The following FEZ1 variants were observed in gnomAD, a reference collection of about 807,000 sequenced individuals.
The protein encoded by FEZ1 is fasciculation and elongation protein zeta-1.
FEZ1 carries 20 observed loss-of-function variants against 49.3 expected under a neutral mutation model. The ratio of observed to expected loss-of-function variants is 0.41; its 90% CI spans 0.29 to 0.59. The LOEUF is 0.59. Among genes scored for constraint, FEZ1 ranks in the 20% least tolerant of loss-of-function variants. FEZ1 has a pLI of 0.36. For missense variants in FEZ1, 413 were observed against 476.0 expected, an observed-to-expected ratio of 0.87 and a Z score of 1.23; for synonymous variants, 170 against 180.9, an observed-to-expected ratio of 0.94 and a Z score of 0.48.
chr11:125,493,371 AAAG>A (rs1424332348), intron 1 of FEZ1, among the ~76,000 whole-genome samples: 1,348 of 37,694 alleles, frequency 0.036, 15 homozygotes, highest in Non-Finnish European at 0.043. Flanking sequence ...GAAAAGAAAG[AAAG>A]AAAGAAAGAA....
intron 2 of FEZ1, among the ~76,000 whole-genome samples, chr11:125,482,159 C>T (rs1321649175): frequency 6.6e-6 from 1 of 152,136 alleles, no homozygotes; most frequent in East Asian, 1.9e-4. Context: ...CAGAGGCCTA[C>T]AATCTAAATG....
chr11:125,453,928 C>CAAAAAAAA (rs34707154), intron 7 of FEZ1: 1 of 234,936 alleles, frequency 4.3e-6, no homozygotes. Context: ...CACTAGAGCT[C>CAAAAAAAA]AAAAAAAAAA....
chr11:125,446,113 T>C lies in FEZ1; in HGVS notation c.1163-2A>G. The C allele has an allele frequency of 6.2e-7, 1 of 1,613,950 alleles. No homozygotes were observed. The highest frequency in any genetic ancestry group is 8.5e-7 in the Non-Finnish European group (1 of 1,179,872). On this transcript the variant is annotated splice_acceptor_variant, in intron 9 of 9. Coordinates refer to ENST00000278919, the MANE Select transcript of FEZ1 (RefSeq NM_005103.5). LOFTEE classifies it high-confidence loss of function. ...GGCAAGGTTAGGTAGGGCAGAGCAC[T>C]GCAACGAGAAGAGAGGAGGGGAGAG... is the stretch of plus-strand genomic sequence containing the variant.
intron 3 of FEZ1, among the ~76,000 whole-genome samples, chr11:125,480,931 C>T (rs1407228114): frequency 6.6e-6 from 1 of 151,556 alleles, no homozygotes; most frequent in Non-Finnish European, 1.5e-5. Context: ...CCCAGCTACT[C>T]GGGATGCTGA....
intron 2 of FEZ1, among the ~76,000 whole-genome samples, chr11:125,487,961 GT>G (rs1957341428): frequency 6.6e-6 from 1 of 152,144 alleles, no homozygotes; most frequent in Non-Finnish European, 1.5e-5. Context: ...CCCATTATTT[GT>G]GGGCCATTCT....
chr11:125,449,143 TAA>T (rs1437814174), intron 8 of FEZ1, among the ~76,000 whole-genome samples: 2 of 151,310 alleles, frequency 1.3e-5, no homozygotes. Flanking sequence ...TGGGTTCAAG[TAA>T]TCCTCCCCCT....
In FEZ1 at chr11:125,460,484, C is replaced by T; in HGVS notation, c.667+14G>A. On this transcript the variant is annotated intron_variant, in intron 5 of 9. Transcript: ENST00000278919. ...TGCTTCCTCCTCGGCCAGCCCAGCG[C>T]CCAGGGCCCTCACCTTCATAGGACC... The T allele has an allele frequency of 1.2e-6, 2 of 1,611,922 alleles. No individual in the cohort carries two copies. The highest frequency in any genetic ancestry group is 1.7e-6 in the Non-Finnish European group (2 of 1,178,790).
chr11:125,484,443 A>G (rs981769632), intron 2 of FEZ1, among the ~76,000 whole-genome samples: 17 of 152,334 alleles, frequency 1.1e-4, no homozygotes, highest in Non-Finnish European at 1.8e-4. Context: ...TGGCATCGGT[A>G]TGGGCATCAG....
Position 125,444,699 on chromosome 11 carries a change from T to A in FEZ1, c.*1396A>T, listed in dbSNP as rs1169541083. On this transcript the variant is annotated 3_prime_UTR_variant, in exon 10 of 10. Coordinates refer to ENST00000278919, the MANE Select transcript of FEZ1 (RefSeq NM_005103.5). ...AGCTGCTGATGTGATAAAGTATGGC[T>A]TTCTCTGTGGCATGCTTAGTTCAAG... Among the ~76,000 whole-genome samples, 1 of 152,044 alleles carries A rather than the reference T, an allele frequency of 6.6e-6. No homozygotes were observed. The highest frequency in any genetic ancestry group is 2.4e-5 in the African/African-American group (1 of 41,400).
intron 5 of FEZ1, among the ~76,000 whole-genome samples, chr11:125,459,766 G>A (rs1288502581): frequency 6.6e-6 from 1 of 152,068 alleles, no homozygotes; most frequent in African/African-American, 2.4e-5. Flanking sequence ...ATCCAAATGG[G>A]GTTGGTGTGA....
chr11:125,480,821 C>T (rs1453536598), intron 3 of FEZ1, among the ~76,000 whole-genome samples: 2 of 152,072 alleles, frequency 1.3e-5, no homozygotes, highest in Non-Finnish European at 2.9e-5. Context: ...GGGCGGATCA[C>T]GGGGTCAGGA....
chr11:125,474,957 G>C (rs1419643534), intron 3 of FEZ1, among the ~76,000 whole-genome samples: 1 of 151,086 alleles, frequency 6.6e-6, no homozygotes, highest in Admixed American at 6.6e-5. Context: ...ATGCACAAAA[G>C]ATTTGAAGAG....
At chr11:125,483,770 G>A (rs1957304772) in intron 2 of FEZ1, among the ~76,000 whole-genome samples, 1 of 152,224 alleles carries the variant, frequency 6.6e-6, no homozygotes, top group South Asian at 2.1e-4. Flanking sequence ...GGAGCCTTTT[G>A]TATCTCTCCC....
intron 3 of FEZ1, among the ~76,000 whole-genome samples, chr11:125,471,677 T>C (rs1230696639): frequency 6.6e-6 from 1 of 152,146 alleles, no homozygotes; most frequent in Non-Finnish European, 1.5e-5. Context: ...TTGGAGATTT[T>C]AATAAACCTT....
In FEZ1 at chr11:125,463,490, T is replaced by G. The variant is rs184744376; in HGVS notation, c.492A>C (p.Ala164=). The G allele has an allele frequency of 1.4e-5, 22 of 1,588,628 alleles. No homozygotes were observed. Among genetic ancestry groups the G allele is most frequent in the Non-Finnish European group, 1.9e-5 (22 of 1,156,980 alleles). ...SGINEEPLLT[A]DQVIEEIEEM... ...CCTGGAGAGATACTTATACCTGATCTGCTGTGAGCAGAGGCTCCTCGTTGA... is the reference window on the plus strand; with the variant it reads ...CCTGGAGAGATACTTATACCTGATCGGCTGTGAGCAGAGGCTCCTCGTTGA... The change falls in exon 4 of 10, where the codon GCA becomes GCC. Residue 164 remains alanine (A), a synonymous_variant. Coordinates refer to ENST00000278919, the MANE Select transcript of FEZ1 (RefSeq NM_005103.5).
chr11:125,495,434 G>A lies in FEZ1; in HGVS notation c.-46+687C>T, dbSNP rs1290958569. On this transcript the variant is annotated intron_variant, in intron 1 of 9. Coordinates refer to ENST00000278919, the MANE Select transcript of FEZ1 (RefSeq NM_005103.5). This position sits in a 1 kb window ranked among gnomAD's most constrained non-coding sequence, Gnocchi z 4.2. ...TGCTCCCCGCATTCCAGAGCCCGGG[G>A]CCCACCCGACGGCAGCGCGCCCCGC... 2.1e-6 allele frequency: 1 copy of A among 470,316 alleles called. No individual in the cohort carries two copies. Among genetic ancestry groups the A allele is most frequent in the East Asian group, 7.0e-5 (1 of 14,346 alleles). The allele number at this position is 470,316 out of a possible 1,614,324, so 29.1% of individuals were successfully genotyped here. A position where few individuals can be genotyped will look rare whatever the true frequency, so the allele number is the denominator to read the frequency against.
chr11:125,485,827 T>C (rs1957321827), intron 2 of FEZ1, among the ~76,000 whole-genome samples: 1 of 150,348 alleles, frequency 6.7e-6, no homozygotes, highest in African/African-American at 2.4e-5. Context: ...TTGCCTGTAA[T>C]CCCAGCTACT....
chr11:125,443,950 G>A lies in FEZ1; in HGVS notation c.*2145C>T, dbSNP rs1175950289. Among the ~76,000 whole-genome samples, 3 of 152,180 alleles carry A rather than the reference G, an allele frequency of 2.0e-5. No individual in the cohort carries two copies. The highest frequency in any genetic ancestry group is 7.2e-5 in the African/African-American group (3 of 41,446). On this transcript the variant is annotated 3_prime_UTR_variant, in exon 10 of 10. Coordinates refer to ENST00000278919, the MANE Select transcript of FEZ1 (RefSeq NM_005103.5). ...GCTGACCCAGATCTGACAAATCCAA[G>A]GCAGGAAGAAAAGCTCTCAGGAATT...
At chr11:125,473,990 A>C (rs1421348432) in intron 3 of FEZ1, among the ~76,000 whole-genome samples, 1 of 151,812 alleles carries the variant, frequency 6.6e-6, no homozygotes, top group Non-Finnish European at 1.5e-5. Flanking sequence ...AAAAAGGAAA[A>C]TATCAATAAA....
Sources: allele counts gnomAD v4.1 joint callset (sites outside exome capture counted in the v4.1 genomes callset), GRCh38; gene constraint gnomAD v4.1.1; non-coding constraint Gnocchi (gnomAD v3.1); transcripts MANE v1.5; gene names NCBI Gene and HGNC (gene_info 2026-07-23, HGNC 2026-07-21).